The following KCNC3 variants were observed in gnomAD, a reference collection of about 807,000 sequenced individuals.
The protein encoded by KCNC3 is voltage-gated potassium channel KCNC3.
In KCNC3, 22 loss-of-function variants were observed where a neutral mutation model predicts 43.9. The observed-to-expected ratio is 0.50, with a 90% CI of 0.36 to 0.72. The LOEUF is 0.72. Among genes scored for constraint, KCNC3 ranks in the 30% least tolerant of loss-of-function variants. The pLI is 0.00. For missense variants in KCNC3, 829 were observed against 1,073.8 expected (o/e 0.77, Z 3.19); for synonymous variants, 492 against 488.0 (o/e 1.01, Z -0.11).
Position 50,320,243 on chromosome 19 carries a change from C to A in KCNC3, c.*3G>T. 1.2e-6 allele frequency: 1 copy of A among 803,980 alleles called. No homozygotes were observed. Among genetic ancestry groups the A allele is most frequent in the South Asian group, 3.6e-5 (1 of 27,718 alleles). The allele number at this position is 803,980 out of a possible 1,614,324, so 49.8% of individuals were successfully genotyped here. A position where few individuals can be genotyped will look rare whatever the true frequency, so the allele number is the denominator to read the frequency against. On this transcript the variant is annotated 3_prime_UTR_variant, in exon 4 of 5. Coordinates refer to ENST00000477616, the MANE Select transcript of KCNC3 (RefSeq NM_004977.3). Reference sequence around the variant, plus strand: ...CTTACCCCGGGGGGAGGGGGTTCGTCCACTAGGGGGATATCCAGGCCGCGG... The same window carrying A: ...CTTACCCCGGGGGGAGGGGGTTCGTACACTAGGGGGATATCCAGGCCGCGG...
rs1412941525 is a variant in KCNC3, at chr19:50,313,266, A to G, written c.*2849T>C. 6.6e-6 allele frequency: 1 copy of G among 152,080 alleles called. No homozygotes were observed. Among genetic ancestry groups the G allele is most frequent in the African/African-American group, 2.4e-5 (1 of 41,420 alleles). The allele number at this position is 152,080 out of a possible 1,614,324, so 9.4% of individuals were successfully genotyped here. A position where few individuals can be genotyped will look rare whatever the true frequency, so the allele number is the denominator to read the frequency against. On this transcript the variant is annotated 3_prime_UTR_variant, in exon 5 of 5. Coordinates refer to ENST00000477616, the MANE Select transcript of KCNC3 (RefSeq NM_004977.3). The stretch of plus-strand genomic sequence containing the variant: ...CCGAGCTGGGTGTTGTCGGTTCCCA[A>G]TCTTCTGATACTCCAGTGTTCCTCC...
chr19:50,324,117 T>C lies in KCNC3; in HGVS notation c.871-35A>G, dbSNP rs777084539. 1 of 1,546,930 alleles carries C rather than the reference T, an allele frequency of 6.5e-7. No individual in the cohort carries two copies. The highest frequency in any genetic ancestry group is 8.7e-7 in the Non-Finnish European group (1 of 1,147,758). ...AGGGAGGGAGAGAGAGGGGGAGAGG[T>C]GACCTAGGCATCAGGTTGGCCATAA... On this transcript the variant is annotated intron_variant, in intron 1 of 4. Coordinates refer to ENST00000477616, the MANE Select transcript of KCNC3 (RefSeq NM_004977.3). The surrounding 1 kb of genome is among the most constrained non-coding windows in gnomAD (Gnocchi z 4.1).
At position 50,316,071 on chromosome 19, in the gene KCNC3, G is replaced by C; in HGVS notation, c.*44C>G. 1 of 404,724 alleles carries C rather than the reference G, an allele frequency of 2.5e-6. No homozygotes were observed. The highest frequency in any genetic ancestry group is 4.6e-6 in the Non-Finnish European group (1 of 219,568). The allele number at this position is 404,724 out of a possible 1,614,324, so 25.1% of individuals were successfully genotyped here. A position where few individuals can be genotyped will look rare whatever the true frequency, so the allele number is the denominator to read the frequency against. ...GCGGGGGGGACCGAAAGTCTCGCGA[G>C]GTCTCAGGCGGTGACAAGAGCTGGG... On this transcript the variant is annotated 3_prime_UTR_variant, in exon 5 of 5. Coordinates refer to ENST00000477616, the MANE Select transcript of KCNC3 (RefSeq NM_004977.3).
At chr19:50,327,410 GAGA>G (rs760475871) in intron 1 of KCNC3, among the ~76,000 whole-genome samples, 50 of 152,148 alleles carry the variant, frequency 3.3e-4, no homozygotes, top group South Asian at 2.1e-3. Flanking sequence ...GGTTCCAACG[GAGA>G]AGATGCCCCA....
Position 50,328,828 on chromosome 19 carries a change from G to T in KCNC3, c.255C>A (p.Gly85=). 1 of 1,494,438 alleles carries T rather than the reference G, an allele frequency of 6.7e-7. No homozygotes were observed. Among genetic ancestry groups the T allele is most frequent in the Non-Finnish European group, 8.9e-7 (1 of 1,127,034 alleles). The allele number at this position is 1,494,438 out of a possible 1,614,324, so 92.6% of individuals were successfully genotyped here. Residue 85 remains glycine (G), a synonymous_variant, in exon 1 of 5, where the codon GGC becomes GGA. Transcript: ENST00000477616. The stretch of plus-strand genomic sequence containing the variant: ...CGTTGATCACGATCTTGCCGCTGTC[G>T]CCACCGCCGCCGCCGTGCCGCCCCA... The part of the protein sequence containing the change: ...AAMGRHGGGG[G]DSGKIVINVG...
chr19:50,328,943 C>T lies in KCNC3; in HGVS notation c.140G>A (p.Gly47Asp), dbSNP rs2037143763. The T allele has an allele frequency of 6.0e-6, 5 of 836,714 alleles. No homozygotes were observed. The highest frequency in any genetic ancestry group is 6.2e-5 in the Admixed American group (1 of 16,072). The allele number at this position is 836,714 out of a possible 1,614,324, so 51.8% of individuals were successfully genotyped here. A position where few individuals can be genotyped will look rare whatever the true frequency, so the allele number is the denominator to read the frequency against. The change falls in exon 1 of 5, where the codon GGC (glycine) becomes GAC (aspartate). Residue 47 changes from glycine to aspartate, a missense_variant. Physicochemically the swap from Gly to Asp is moderately conservative, Grantham distance 94 (BLOSUM62 -1). This residue lies in a region of KCNC3 where 129 missense variants were observed against 83.6 expected (regional missense o/e 1.54). Transcript: ENST00000477616. ...GGGGCCCGCCGGGGACGCGGCGGGG[C>T]CGGGCTGCGCAGGCTGCTGCTGCTG... Reference protein sequence around the residue: ...PPQQQQPAQPGPAASPAGPPA... With the variant: ...PPQQQQPAQPDPAASPAGPPA...
chr19:50,331,939 T>G (rs963236747), upstream of KCNC3, among the ~76,000 whole-genome samples: 2 of 151,638 alleles, frequency 1.3e-5, no homozygotes, highest in African/African-American at 4.9e-5. Flanking sequence ...GCAGAGAGAG[T>G]TGCAGAAGTG....
At chr19:50,320,021 C>T (rs749421384) in intron 4 of KCNC3, among the ~76,000 whole-genome samples, 4 of 134,104 alleles carry the variant, frequency 3.0e-5, no homozygotes, top group African/African-American at 5.8e-5. Context: ...TGAGTTAGTT[C>T]GGGGGTTAGT....
chr19:50,323,150 G>A lies in KCNC3; in HGVS notation c.1803C>T (p.Thr601=), dbSNP rs752977454. 6.5e-7 allele frequency: 1 copy of A among 1,534,218 alleles called. No individual in the cohort carries two copies. The part of the protein sequence containing the change: ...SGGISPPPPI[T]PPSMGVTVAG... ...CCACAGTCACCCCCATGGAGGGTGG[G>A]GTGATGGGTGGCGGCGGGCTGATGC... The change falls in exon 2 of 5, where the codon ACC becomes ACT. Residue 601 remains threonine (T), a synonymous_variant. Coordinates refer to ENST00000477616, the MANE Select transcript of KCNC3 (RefSeq NM_004977.3).
Position 50,320,160 on chromosome 19 carries a change from G to T in KCNC3, c.*23+63C>A, listed in dbSNP as rs1331042288. On this transcript the variant is annotated intron_variant, in intron 4 of 4. Coordinates refer to ENST00000477616, the MANE Select transcript of KCNC3 (RefSeq NM_004977.3). Reference sequence around the variant, plus strand: ...AGTGGGGGCTGCATGTTCTCAGAAGGGTTAGTCAGGCAGGAGTGGGGAGTC... The same window carrying T: ...AGTGGGGGCTGCATGTTCTCAGAAGTGTTAGTCAGGCAGGAGTGGGGAGTC... 5 of 294,236 alleles carry T rather than the reference G, an allele frequency of 1.7e-5. No individual in the cohort carries two copies. In the South Asian group the frequency reaches 2.2e-4, roughly 13 times the overall value. 18.2% of individuals were successfully genotyped at this position (294,236 alleles called of 1,614,324 possible). A position where few individuals can be genotyped will look rare whatever the true frequency, so the allele number is the denominator to read the frequency against.
In KCNC3 at chr19:50,323,525, G is replaced by C; in HGVS notation, c.1428C>G (p.Pro476=). Residue 476 remains proline, a synonymous_variant, in exon 2 of 5, where the codon CCC becomes CCG. Coordinates refer to ENST00000477616, the MANE Select transcript of KCNC3 (RefSeq NM_004977.3). The part of the protein sequence containing the change: ...IYYAERIGAD[P]DDILGSNHTY... ...TGTGGTTGGAGCCCAGGATGTCATC[G>C]GGGTCGGCGCCAATGCGCTCAGCGT... is the stretch of plus-strand genomic sequence containing the variant. 6.2e-7 allele frequency: 1 copy of C among 1,614,220 alleles called. No homozygotes were observed. The highest frequency in any genetic ancestry group is 8.5e-7 in the Non-Finnish European group (1 of 1,180,038).
At chr19:50,325,369 G>A (rs996430582) in intron 1 of KCNC3, among the ~76,000 whole-genome samples, 1 of 152,256 alleles carries the variant, frequency 6.6e-6, no homozygotes, top group East Asian at 1.9e-4. Context: ...GCACGGGGAG[G>A]CCACTGCTGG....
Position 50,324,606 on chromosome 19 carries a change from T to C in KCNC3, c.871-524A>G, listed in dbSNP as rs564405737. Among the ~76,000 whole-genome samples the C allele has an allele frequency of 1.4e-4, 21 of 152,312 alleles. No individual in the cohort carries two copies. Among genetic ancestry groups the C allele is most frequent in the African/African-American group, 4.1e-4 (17 of 41,578 alleles). On this transcript the variant is annotated intron_variant, in intron 1 of 4. Transcript: ENST00000477616. This position sits in a 1 kb window ranked among gnomAD's most constrained non-coding sequence, Gnocchi z 4.1. ...GAGTCGGCGAGCCTGGGCATGAATC[T>C]GGCTTTTAACCTGTCAAAACTGGGC...
chr19:50,329,334 A>T lies in KCNC3; in HGVS notation c.-252T>A. 2 of 97,748 alleles carry T rather than the reference A, an allele frequency of 2.0e-5. No homozygotes were observed. Among genetic ancestry groups the T allele is most frequent in the Non-Finnish European group, 4.0e-5 (2 of 49,878 alleles). The allele number at this position is 97,748 out of a possible 1,614,324, so 6.1% of individuals were successfully genotyped here. On this transcript the variant is annotated 5_prime_UTR_variant, in exon 1 of 5. Transcript: ENST00000477616. The stretch of plus-strand genomic sequence containing the variant: ...AGCGATTGGCTCTTTCTAAGAGAGC[A>T]GGGAGGAGGGGCGGGGCGGGGCGTC...
rs1310442692 is a variant in KCNC3 at position 50,315,761 on chromosome 19, G to C, written c.*354C>G. ...GGACATCTTTAAAGGGTCCAAGAAG[G>C]CTCTGAGCTTCTGACGGGTGCGGGA... On this transcript the variant is annotated 3_prime_UTR_variant, in exon 5 of 5. Coordinates refer to ENST00000477616, the MANE Select transcript of KCNC3 (RefSeq NM_004977.3). 1.8e-5 allele frequency: 3 copies of C among 164,702 alleles called. No homozygotes were observed. The highest frequency in any genetic ancestry group is 2.6e-5 in the Non-Finnish European group (2 of 75,724). 10.2% of individuals were successfully genotyped at this position (164,702 alleles called of 1,614,324 possible).
chr19:50,325,656 T>G (rs935441389), intron 1 of KCNC3, among the ~76,000 whole-genome samples: 1 of 151,956 alleles, frequency 6.6e-6, no homozygotes, highest in Admixed American at 6.5e-5. Flanking sequence ...AGCGCATGCC[T>G]AGTTCCCCGC....
Position 50,323,783 on chromosome 19 carries a change from C to A in KCNC3, c.1170G>T (p.Leu390=), listed in dbSNP as rs754042672. The change falls in exon 2 of 5, where the codon CTG becomes CTT. Residue 390 remains leucine, a synonymous_variant. Transcript: ENST00000477616. Reference sequence around the variant, plus strand: ...AGAGGCCCACCTCGAGATAGAAGGGCAGGATGGCCACACAGTCGATGATGT... The same window carrying A: ...AGAGGCCCACCTCGAGATAGAAGGGAAGGATGGCCACACAGTCGATGATGT... ...SLNIIDCVAI[L]PFYLEVGLSG... 4 of 1,614,082 alleles carry A rather than the reference C, an allele frequency of 2.5e-6. No individual in the cohort carries two copies. The African/African-American group carries it at 4.0e-5, about 16-fold the overall frequency.
At chr19:50,316,835 G>A (rs2036961123) in intron 4 of KCNC3, among the ~76,000 whole-genome samples, 1 of 152,000 alleles carries the variant, frequency 6.6e-6, no homozygotes, top group Non-Finnish European at 1.5e-5. Flanking sequence ...TCTTGTGGGA[G>A]GGAGGGTTGT....
intron 2 of KCNC3, among the ~76,000 whole-genome samples, chr19:50,321,658 T>C (rs1845574631): frequency 6.6e-6 from 1 of 151,906 alleles, no homozygotes; most frequent in Admixed American, 6.6e-5. Flanking sequence ...TAATCCCAGC[T>C]ACTCCGGAGG....
Sources: allele counts gnomAD v4.1 joint callset (sites outside exome capture counted in the v4.1 genomes callset), GRCh38; gene constraint gnomAD v4.1.1; regional missense constraint gnomAD v4.1.1; non-coding constraint Gnocchi (gnomAD v3.1); transcripts MANE v1.5; gene names NCBI Gene and HGNC (gene_info 2026-07-23, HGNC 2026-07-21).